PTPRM: variants seen among roughly 807,000 people sequenced by gnomAD.
PTPRM encodes the protein receptor-type tyrosine-protein phosphatase mu.
A neutral mutation model predicts 186.7 loss-of-function variants in PTPRM; 47 were observed. The observed-to-expected ratio is 0.25, with a 90% CI of 0.20 to 0.32. The LOEUF is 0.32. Among genes scored for constraint, PTPRM ranks in the 10% least tolerant of loss-of-function variants. The pLI is 1.00. For synonymous variants in PTPRM, 668 were observed against 674.9 expected (o/e 0.99, Z 0.16); for missense variants, 1,494 against 1,865.0 (o/e 0.80, Z 3.66).
intron 4 of PTPRM, among the ~76,000 whole-genome samples, chr18:7,915,292 A>C: frequency 6.6e-6 from 1 of 152,182 alleles, no homozygotes; most frequent in East Asian, 1.9e-4. Flanking sequence ...TTTAGAAGAA[A>C]GCTGGCATAG....
At chr18:8,339,169 GT>G (rs1488963231) in intron 22 of PTPRM, among the ~76,000 whole-genome samples, 8 of 149,182 alleles carry the variant, frequency 5.4e-5, no homozygotes, top group African/African-American at 1.7e-4. Flanking sequence ...AAAGGTTAAT[GT>G]TTTTTATTGA....
At chr18:7,657,490 C>G (rs1482430434) in intron 1 of PTPRM, among the ~76,000 whole-genome samples, 1 of 152,198 alleles carries the variant, frequency 6.6e-6, no homozygotes, top group Admixed American at 6.5e-5. Context: ...TCATTTTCCT[C>G]CTTCACCTCG....
At chr18:8,011,111 C>T (rs1011804594) in intron 7 of PTPRM, among the ~76,000 whole-genome samples, 3 of 152,034 alleles carry the variant, frequency 2.0e-5, no homozygotes, top group Non-Finnish European at 2.9e-5. Context: ...GTGTCTATTC[C>T]GGACAGAACA....
At chr18:8,201,994 T>C (rs189249155) in intron 14 of PTPRM, among the ~76,000 whole-genome samples, 2 of 152,358 alleles carry the variant, frequency 1.3e-5, no homozygotes, top group East Asian at 1.9e-4. Context: ...CTTCTCCACA[T>C]GTTTACTGAC....
intron 14 of PTPRM, among the ~76,000 whole-genome samples, chr18:8,179,964 G>T (rs1382226650): frequency 6.6e-6 from 1 of 152,184 alleles, no homozygotes; most frequent in Non-Finnish European, 1.5e-5. Flanking sequence ...ACATGTTGCT[G>T]TGTGAGTCCT....
intron 23 of PTPRM, among the ~76,000 whole-genome samples, chr18:8,370,055 C>T (rs2095654522): frequency 6.6e-6 from 1 of 152,008 alleles, no homozygotes; most frequent in South Asian, 2.1e-4. Flanking sequence ...GGGGCAGGGA[C>T]AGGAATAGAT....
intron 3 of PTPRM, among the ~76,000 whole-genome samples, chr18:7,900,326 C>A (rs770409309): frequency 1.7e-4 from 26 of 152,286 alleles, no homozygotes; most frequent in Middle Eastern, 6.8e-3. Flanking sequence ...ATTCTTCTTT[C>A]TGTTTTCTCC....
chr18:8,254,742 A>G (rs561046882), intron 19 of PTPRM, among the ~76,000 whole-genome samples: 1 of 152,292 alleles, frequency 6.6e-6, no homozygotes, highest in African/African-American at 2.4e-5. Flanking sequence ...TCTTTTTCCA[A>G]GCTTGATCAT....
chr18:7,808,880 GA>G (rs1420660983), intron 2 of PTPRM, among the ~76,000 whole-genome samples: 1 of 152,170 alleles, frequency 6.6e-6, no homozygotes, highest in African/African-American at 2.4e-5. Flanking sequence ...AATTTGCAGT[GA>G]GTATAAGATG....
At chr18:7,927,679 C>G (rs147436697) in intron 5 of PTPRM, among the ~76,000 whole-genome samples, 1 of 152,062 alleles carries the variant, frequency 6.6e-6, no homozygotes, top group African/African-American at 2.4e-5. Context: ...TTGGAGACTC[C>G]GTGTGACACT....
intron 2 of PTPRM, among the ~76,000 whole-genome samples, chr18:7,832,142 T>C (rs1234853673): frequency 6.6e-6 from 1 of 152,188 alleles, no homozygotes; most frequent in Non-Finnish European, 1.5e-5. Flanking sequence ...GATATATATG[T>C]GCAGTGGGAT....
chr18:8,270,059 A>G (rs1342725930), intron 19 of PTPRM: 1 of 152,056 alleles, frequency 6.6e-6, no homozygotes, highest in East Asian at 1.9e-4. Context: ...AGACATAAGC[A>G]ACAAAACCAA....
intron 14 of PTPRM, among the ~76,000 whole-genome samples, chr18:8,215,185 G>T (rs1247071643): frequency 6.6e-6 from 1 of 152,150 alleles, no homozygotes; most frequent in African/African-American, 2.4e-5. Context: ...GTGAGAACCC[G>T]AAAATAGTTA....
chr18:7,685,774 T>C (rs774342738), intron 1 of PTPRM, among the ~76,000 whole-genome samples: 6 of 152,126 alleles, frequency 3.9e-5, no homozygotes, highest in Non-Finnish European at 8.8e-5. Flanking sequence ...TCAGAGCCAC[T>C]AGGCAAGGTC....
At chr18:7,584,797 TC>T (rs2036934864) in intron 1 of PTPRM, among the ~76,000 whole-genome samples, 2 of 152,192 alleles carry the variant, frequency 1.3e-5, no homozygotes, top group Admixed American at 1.3e-4. Flanking sequence ...TAGAATAATA[TC>T]CCCCTGCTGG....
chr18:8,290,820 T>C (rs142015764), intron 19 of PTPRM, among the ~76,000 whole-genome samples: 184 of 152,318 alleles, frequency 1.2e-3, no homozygotes, highest in African/African-American at 4.3e-3. Context: ...AAAGCATAAG[T>C]ATATTTATGA....
intron 7 of PTPRM, among the ~76,000 whole-genome samples, chr18:7,994,712 T>C (rs1484455757): frequency 1.3e-5 from 2 of 151,968 alleles, no homozygotes; most frequent in Admixed American, 6.6e-5. Flanking sequence ...TTAAATAATA[T>C]GCTCCTGAAT....
chr18:8,291,687 C>T (rs1420292860), intron 19 of PTPRM, among the ~76,000 whole-genome samples: 1 of 152,094 alleles, frequency 6.6e-6, no homozygotes, highest in African/African-American at 2.4e-5. Flanking sequence ...TGTGCACTGA[C>T]TTTGCTTAAT....
In PTPRM at chr18:8,248,143, A is replaced by G. The variant is rs754045059; in HGVS notation, c.2528-7A>G. ...CTCTGCATTGACCTGCTTACGGTGT[A>G]TGACAGACCCATTTGTGCCAACTGC... On this transcript the variant is annotated splice_polypyrimidine_tract_variant and splice_region_variant and intron_variant, in intron 16 of 32. Transcript: ENST00000580170. The G allele has an allele frequency of 1.3e-6, 2 of 1,530,616 alleles. No homozygotes were observed. Among genetic ancestry groups the G allele is most frequent in the Non-Finnish European group, 1.8e-6 (2 of 1,104,112 alleles). The allele number at this position is 1,530,616 out of a possible 1,614,324, so 94.8% of individuals were successfully genotyped here.
Sources: allele counts gnomAD v4.1 joint callset (sites outside exome capture counted in the v4.1 genomes callset), GRCh38; gene constraint gnomAD v4.1.1; transcripts MANE v1.5; gene names NCBI Gene and HGNC (gene_info 2026-07-23, HGNC 2026-07-21).